CCDC191: variants seen among roughly 807,000 people sequenced by gnomAD.
CCDC191 encodes the protein coiled-coil domain-containing protein 191.
CCDC191 carries 99 observed loss-of-function variants against 114.0 expected under a neutral mutation model. The ratio of observed to expected loss-of-function variants is 0.87; its 90% confidence interval spans 0.74 to 1.03. CCDC191 has a LOEUF of 1.03. Among genes scored for constraint, CCDC191 ranks in the 50% least tolerant of loss-of-function variants. The pLI, the probability that CCDC191 is intolerant of heterozygous loss-of-function variation, is 0.00. For synonymous variants in CCDC191, 351 were observed against 376.0 expected (o/e 0.93, Z 0.77); for missense variants, 973 against 1,087.0 (o/e 0.90, Z 1.47).
chr3:114,001,776 G>A, intron 12 of CCDC191, 80 bp from the exon 13 acceptor site: 1 of 1,568,174 alleles, frequency 6.4e-7, no homozygotes, highest in Non-Finnish European at 8.7e-7. Context: ...GGATAGTCAA[G>A]CGTCTACCAA....
chr3:114,055,899 T>C (rs1002117115), intron 1 of CCDC191, among the ~76,000 whole-genome samples: 10 of 152,114 alleles, frequency 6.6e-5, no homozygotes, highest in Non-Finnish European at 1.2e-4. Context: ...CAATATCCAT[T>C]TGCACTCCTG....
At chr3:114,006,266 T>C (rs903013512) in intron 9 of CCDC191, among the ~76,000 whole-genome samples, 1 of 151,884 alleles carries the variant, frequency 6.6e-6, no homozygotes, top group African/African-American at 2.4e-5. Context: ...CTGGCCAACA[T>C]GGTGAAACCC....
rs1240878079 is a variant in CCDC191 at position 113,965,137 on chromosome 3, A to G, written c.*18T>C. ...AGACTAGTCGAGCTTCCTGTCCTAA[A>G]TATTACACTAATCTGGCTCATTCGT... On this transcript the variant is annotated 3_prime_UTR_variant, in exon 17 of 17. Transcript: ENST00000295878. The G allele has an allele frequency of 5.2e-6, 8 of 1,549,098 alleles. No homozygotes were observed. Among genetic ancestry groups the G allele is most frequent in the Non-Finnish European group, 7.0e-6 (8 of 1,140,120 alleles).
intron 9 of CCDC191, among the ~76,000 whole-genome samples, chr3:114,008,595 T>C (rs1365955733): frequency 6.6e-5 from 10 of 152,096 alleles, no homozygotes; most frequent in Admixed American, 5.9e-4. Context: ...CCGACAGGAT[T>C]GACTTTATAA....
intron 1 of CCDC191, among the ~76,000 whole-genome samples, chr3:114,054,692 G>C (rs1176739898): frequency 6.6e-6 from 1 of 151,620 alleles, no homozygotes; most frequent in Admixed American, 6.6e-5. Flanking sequence ...AATGGGGCGA[G>C]GGTTAATCAA....
chr3:114,042,891 G>C, intron 3 of CCDC191, 45 bp from the exon 4 acceptor site: 1 of 1,531,866 alleles, frequency 6.5e-7, no homozygotes, highest in East Asian at 2.4e-5. Flanking sequence ...TTACTTCAGA[G>C]ATTTTCTTTA....
intron 13 of CCDC191, among the ~76,000 whole-genome samples, chr3:113,982,851 A>G (rs1363644528): frequency 9.1e-6 from 1 of 110,140 alleles, no homozygotes; most frequent in Non-Finnish European, 1.9e-5. Flanking sequence ...CTTCAAAACA[A>G]AAAAACAAAA....
chr3:114,030,958 A>C (rs2076396233), intron 7 of CCDC191, among the ~76,000 whole-genome samples: 1 of 152,140 alleles, frequency 6.6e-6, no homozygotes, highest in Non-Finnish European at 1.5e-5. Context: ...CTCATTTACA[A>C]ATCTGCCCAG....
intron 8 of CCDC191, among the ~76,000 whole-genome samples, chr3:114,013,662 T>C (rs2076111045): frequency 6.6e-6 from 1 of 152,154 alleles, no homozygotes; most frequent in South Asian, 2.1e-4. Context: ...AGTATATAAA[T>C]TGATCATCAC....
intron 7 of CCDC191, among the ~76,000 whole-genome samples, chr3:114,027,008 C>G (rs1404252224): frequency 6.6e-6 from 1 of 152,122 alleles, no homozygotes; most frequent in Non-Finnish European, 1.5e-5. Flanking sequence ...AGGCCATTTT[C>G]CAAATAGTAT....
chr3:114,016,016 A>C (rs2076152303), intron 8 of CCDC191, among the ~76,000 whole-genome samples: 1 of 152,240 alleles, frequency 6.6e-6, no homozygotes, highest in Non-Finnish European at 1.5e-5. Context: ...GAAAAGGGGC[A>C]AAAGAAAAAA....
At chr3:114,051,521 A>C (rs1016947563) in intron 2 of CCDC191, among the ~76,000 whole-genome samples, 2 of 152,214 alleles carry the variant, frequency 1.3e-5, no homozygotes. Flanking sequence ...TGAGCCCAGG[A>C]GTTTGAGACT....
rs149650131 is a variant in CCDC191, at chr3:113,976,604, A to G, written c.2606+1582T>C. ...AAGAAAACATAGGCAGGCAAAAAGG[A>G]TGTTTAATAATAATATATTCACAAT... On this transcript the variant is annotated intron_variant, in intron 16 of 16. Coordinates refer to ENST00000295878, the MANE Select transcript of CCDC191 (RefSeq NM_020817.2). Among the ~76,000 whole-genome samples, 171 of 152,090 alleles carry G rather than the reference A, an allele frequency of 1.1e-3. 3 individuals carry two copies. The highest frequency in any genetic ancestry group is 3.9e-3 in the African/African-American group (163 of 41,490).
At chr3:114,017,802 C>T (rs879516358) in intron 8 of CCDC191, among the ~76,000 whole-genome samples, 1 of 152,042 alleles carries the variant, frequency 6.6e-6, no homozygotes, top group Admixed American at 6.5e-5. Flanking sequence ...CCATGGCATA[C>T]GTATACCTAT....
intron 6 of CCDC191, 90 bp downstream of exon 6, chr3:114,034,835 T>C (rs1356289263): frequency 2.0e-6 from 2 of 998,766 alleles, no homozygotes; most frequent in Non-Finnish European, 3.0e-6. Context: ...GTTTTGTTAT[T>C]GAATGTTTGT....
At chr3:114,001,548 A>G in intron 13 of CCDC191, 47 bp downstream of exon 13, 2 of 1,607,760 alleles carry the variant, frequency 1.2e-6, no homozygotes, top group Non-Finnish European at 1.7e-6. Flanking sequence ...AGTATCACAC[A>G]CAGCAAACCT....
intron 9 of CCDC191, among the ~76,000 whole-genome samples, chr3:114,009,922 C>CA (rs2076039542): frequency 6.6e-6 from 1 of 152,084 alleles, no homozygotes; most frequent in African/African-American, 2.4e-5. Flanking sequence ...AATGGTGGCA[C>CA]AGAATACTAG....
chr3:113,993,912 T>G (rs2075647782), intron 13 of CCDC191, among the ~76,000 whole-genome samples: 2 of 151,886 alleles, frequency 1.3e-5, no homozygotes, highest in South Asian at 4.1e-4. Flanking sequence ...AAAAAAAAAT[T>G]AACTCCAAAT....
At chr3:113,994,254 G>A (rs998802476) in intron 13 of CCDC191, among the ~76,000 whole-genome samples, 14 of 152,158 alleles carry the variant, frequency 9.2e-5, no homozygotes, top group African/African-American at 2.2e-4. Flanking sequence ...CTTCATCATA[G>A]AAGATATATG....
Sources: gnomAD v4.1 joint callset for allele counts (sites outside exome capture counted in the v4.1 genomes callset) on GRCh38, gnomAD v4.1.1 for gene constraint, MANE v1.5 for transcripts, NCBI Gene and HGNC (gene_info 2026-07-23, HGNC 2026-07-21) for gene names.